Variants in THSD7B observed in about 807,000 individuals in gnomAD.
THSD7B encodes the protein thrombospondin type-1 domain-containing protein 7B.
THSD7B carries 138 observed loss-of-function variants against 213.6 expected under a neutral mutation model. The ratio of observed to expected loss-of-function variants is 0.65; its 90% confidence interval spans 0.56 to 0.74. The LOEUF is 0.74. Among genes scored for constraint, THSD7B ranks in the 30% least tolerant of loss-of-function variants. The pLI is 0.00. For synonymous variants in THSD7B, 742 were observed against 687.0 expected (o/e 1.08, Z -1.25); for missense variants, 1,931 against 1,991.5 (o/e 0.97, Z 0.58).
chr2:137,509,494 G>A (rs1313798706), intron 15 of THSD7B, among the ~76,000 whole-genome samples: 4 of 151,534 alleles, frequency 2.6e-5, no homozygotes, highest in African/African-American at 9.7e-5. Context: ...TTTGGATTGG[G>A]TATTGATCTA....
At chr2:136,776,761 G>A (rs1207231342) in intron 1 of THSD7B, among the ~76,000 whole-genome samples, 2 of 152,174 alleles carry the variant, frequency 1.3e-5, no homozygotes, top group Non-Finnish European at 2.9e-5. Context: ...AATTTATGCT[G>A]TGAAGACTTA....
intron 1 of THSD7B, among the ~76,000 whole-genome samples, chr2:136,839,529 T>C (rs1268478219): frequency 6.6e-6 from 1 of 152,218 alleles, no homozygotes; most frequent in Non-Finnish European, 1.5e-5. Flanking sequence ...TGTTTCACTA[T>C]ATACTCATTA....
At chr2:137,624,772 G>A (rs907795786) in intron 20 of THSD7B, among the ~76,000 whole-genome samples, 4 of 152,174 alleles carry the variant, frequency 2.6e-5, no homozygotes, top group African/African-American at 9.7e-5. Context: ...AAACCACAAT[G>A]AGATACCATC....
At chr2:136,968,590 A>T (rs1433681880) in intron 2 of THSD7B, among the ~76,000 whole-genome samples, 2 of 152,124 alleles carry the variant, frequency 1.3e-5, no homozygotes, top group African/African-American at 4.8e-5. Context: ...GATGTCTTTT[A>T]AAGTGAGAAG....
At position 137,564,566 on chromosome 2, in the gene THSD7B, G is replaced by GA. The variant is rs554752763; in HGVS notation, c.3272+1217dup. Among the ~76,000 whole-genome samples the GA allele has an allele frequency of 6.0e-3, 917 of 152,144 alleles. 2 individuals are homozygous for GA. Among genetic ancestry groups the GA allele is most frequent in the Non-Finnish European group, 9.7e-3 (660 of 68,012 alleles). The stretch of plus-strand genomic sequence containing the variant: ...CTGTGTCTTATTCTCTCATGGTTTT[G>GA]AAAAACGATTGACCAACCTAGCTTG... On this transcript the variant is annotated intron_variant, in intron 16 of 27. Transcript: ENST00000409968.
chr2:137,608,165 C>G (rs944033701), intron 17 of THSD7B, among the ~76,000 whole-genome samples: 1 of 152,178 alleles, frequency 6.6e-6, no homozygotes, highest in African/African-American at 2.4e-5. Flanking sequence ...CAAAGGCAGG[C>G]AGCAAGCCTT....
intron 14 of THSD7B, among the ~76,000 whole-genome samples, chr2:137,432,350 C>T (rs1687206393): frequency 6.6e-6 from 1 of 152,216 alleles, no homozygotes; most frequent in African/African-American, 2.4e-5. Context: ...GAGATCGCGC[C>T]ACTGCGCTCC....
chr2:137,545,354 C>G (rs146455216), intron 15 of THSD7B, among the ~76,000 whole-genome samples: 3 of 151,854 alleles, frequency 2.0e-5, no homozygotes, highest in African/African-American at 7.2e-5. Flanking sequence ...AGTGAGCTGC[C>G]AGAAAATCAA....
Position 137,560,637 on chromosome 2 carries a change from A to G in THSD7B, c.3139-2584A>G, listed in dbSNP as rs185116861. 8.5e-4 allele frequency among the ~76,000 whole-genome samples: 130 copies of G among 152,258 alleles called. 1 individual carries two copies. Among genetic ancestry groups the G allele is most frequent in the South Asian group, 3.1e-3 (15 of 4,828 alleles). On this transcript the variant is annotated intron_variant, in intron 15 of 27. Transcript: ENST00000409968. Reference sequence around the variant, plus strand: ...AATGACGAGCTAATGGGTGCAGCACACCAACATGGCACATGTATACATATG... The same window carrying G: ...AATGACGAGCTAATGGGTGCAGCACGCCAACATGGCACATGTATACATATG...
chr2:137,505,172 C>G lies in THSD7B; in HGVS notation c.3138+54149C>G, dbSNP rs549981494. On this transcript the variant is annotated intron_variant, in intron 15 of 27. Transcript: ENST00000409968. ...TCCCAAGAAGGGGCCTGCTTTGTAT[C>G]TCTGCTGCAGTCATCACAGGCTGGG... 1.1e-3 allele frequency among the ~76,000 whole-genome samples: 162 copies of G among 152,340 alleles called. 1 individual carries two copies. Among genetic ancestry groups the G allele is most frequent in the African/African-American group, 3.7e-3 (154 of 41,576 alleles).
chr2:137,223,563 T>C (rs1230444850), intron 7 of THSD7B, among the ~76,000 whole-genome samples: 2 of 152,194 alleles, frequency 1.3e-5, no homozygotes, highest in Non-Finnish European at 2.9e-5. Flanking sequence ...GCTGAAAGGC[T>C]TATCAACAAG....
intron 1 of THSD7B, among the ~76,000 whole-genome samples, chr2:136,817,787 C>T (rs1326644202): frequency 1.3e-5 from 2 of 149,082 alleles, no homozygotes; most frequent in Admixed American, 6.7e-5. Context: ...CCAAAAAACA[C>T]ATGAAAAAAT....
intron 20 of THSD7B, among the ~76,000 whole-genome samples, chr2:137,624,391 G>T (rs1189916777): frequency 2.0e-5 from 3 of 152,098 alleles, no homozygotes; most frequent in Non-Finnish European, 4.4e-5. Flanking sequence ...GAAAACCTAG[G>T]CAATACCATT....
At chr2:137,074,516 T>G (rs1367757380) in intron 3 of THSD7B, among the ~76,000 whole-genome samples, 1 of 152,224 alleles carries the variant, frequency 6.6e-6, no homozygotes, top group Admixed American at 6.5e-5. Flanking sequence ...TAGAGCACAC[T>G]GATGGGTCTT....
chr2:137,162,168 C>G (rs958628730), intron 6 of THSD7B, among the ~76,000 whole-genome samples: 6 of 152,116 alleles, frequency 3.9e-5, no homozygotes, highest in Non-Finnish European at 8.8e-5. Flanking sequence ...GGGCTGCATC[C>G]AAGAGTATAA....
chr2:137,329,839 A>G (rs184988952), intron 12 of THSD7B, among the ~76,000 whole-genome samples: 18 of 152,140 alleles, frequency 1.2e-4, no homozygotes, highest in Non-Finnish European at 2.4e-4. Context: ...CACCAAGACA[A>G]TGGGGAAACT....
At chr2:137,265,541 A>G (rs1293926536) in intron 10 of THSD7B, among the ~76,000 whole-genome samples, 1 of 152,198 alleles carries the variant, frequency 6.6e-6, no homozygotes, top group Non-Finnish European at 1.5e-5. Flanking sequence ...ATTATTCACA[A>G]TAGCAAAGAC....
chr2:137,295,457 C>T (rs906925494), intron 12 of THSD7B, among the ~76,000 whole-genome samples: 2 of 151,890 alleles, frequency 1.3e-5, no homozygotes, highest in African/African-American at 4.8e-5. Flanking sequence ...AATATTTTGC[C>T]CTACTGAAAT....
intron 1 of THSD7B, among the ~76,000 whole-genome samples, chr2:136,787,569 T>A (rs538395815): frequency 6.6e-5 from 10 of 152,280 alleles, no homozygotes; most frequent in Non-Finnish European, 1.2e-4. Flanking sequence ...GGTCTTTTTG[T>A]CCCTTTGGAT....
Sources: allele counts gnomAD v4.1 joint callset (sites outside exome capture counted in the v4.1 genomes callset), GRCh38; gene constraint gnomAD v4.1.1; transcripts MANE v1.5; gene names NCBI Gene and HGNC (gene_info 2026-07-23, HGNC 2026-07-21).